Variants in SHISAL2A observed in about 807,000 individuals in gnomAD.
The protein encoded by SHISAL2A is protein shisa-like-2A.
In SHISAL2A, 18 loss-of-function variants were observed where a neutral mutation model predicts 11.5. That is an observed-to-expected ratio of 1.57 (90% confidence interval 1.08 to 2.33). SHISAL2A has a LOEUF of 2.33. Ranked by LOEUF, SHISAL2A falls within the 30% of genes most tolerant of loss-of-function variation. The pLI is 0.00. For synonymous variants in SHISAL2A, 94 were observed against 99.6 expected, an observed-to-expected ratio of 0.94 and a Z score of 0.34; for missense variants, 261 against 250.9, an observed-to-expected ratio of 1.04 and a Z score of -0.27.
In SHISAL2A at chr1:52,642,978, C is replaced by G. The variant is rs1691404529; in HGVS notation, c.298C>G (p.Leu100Val). 6.2e-7 allele frequency: 1 copy of G among 1,614,026 alleles called. No individual in the cohort carries two copies. The highest frequency in any genetic ancestry group is 1.3e-5 in the African/African-American group (1 of 74,904). The part of the protein sequence containing the change: ...ISSKPHTKLD[L>V]GLSLQTAGPE... ...CTCTAAGCCCCACACAAAGTTGGAC[C>G]TGGGCTTGAGCTTACAGACAGCAGG... Residue 100 changes from leucine (L) to valine (V), a missense_variant, in exon 2 of 3, where the codon CTG becomes GTG. Coordinates refer to ENST00000517870, the MANE Select transcript of SHISAL2A (RefSeq NM_001042693.3).
intron 4 of SHISAL2A, among the ~76,000 whole-genome samples, chr1:52,665,888 C>T (rs1044335935): frequency 6.6e-6 from 1 of 152,140 alleles, no homozygotes; most frequent in African/African-American, 2.4e-5. Flanking sequence ...CCATGTATTC[C>T]GATGGAGCTG....
chr1:52,649,362 G>A (rs1691574033), intron 2 of SHISAL2A, among the ~76,000 whole-genome samples: 1 of 152,204 alleles, frequency 6.6e-6, no homozygotes, highest in African/African-American at 2.4e-5. Flanking sequence ...ATGTGTCACT[G>A]CGATGTCAAC....
chr1:52,662,593 T>C (rs1691929156), intron 4 of SHISAL2A, among the ~76,000 whole-genome samples: 1 of 151,634 alleles, frequency 6.6e-6, no homozygotes, highest in Non-Finnish European at 1.5e-5. Context: ...TCAAGTGATC[T>C]GCCCACTTAG....
downstream of SHISAL2A, among the ~76,000 whole-genome samples, chr1:52,657,851 A>G (rs1047193268): frequency 2.6e-4 from 40 of 152,250 alleles, no homozygotes; most frequent in Middle Eastern, 3.4e-3. Flanking sequence ...CATCACAAAA[A>G]AAGAAGAAGA....
rs755482602 is a variant in SHISAL2A at position 52,643,878 on chromosome 1, A to AAGAGAG, written c.322+887_322+892dup. ...AAAGAAAGAAAGAAAGAAAGAGAGA[A>AAGAGAG]AGAGAGAGAGAGAGAGGGAGGGAGG... On this transcript the variant is annotated intron_variant, in intron 2 of 2. Transcript: ENST00000517870. Among the ~76,000 whole-genome samples the AAGAGAG allele has an allele frequency of 1.6e-3, 226 of 143,348 alleles. 1 individual carries two copies. The highest frequency in any genetic ancestry group is 5.4e-3 in the African/African-American group (215 of 39,734). The allele number at this position is 143,348 out of a possible 152,430, so 94.0% of individuals were successfully genotyped here. A position where few individuals can be genotyped will look rare whatever the true frequency, so the allele number is the denominator to read the frequency against.
chr1:52,668,255 C>G (rs189579744), intron 5 of SHISAL2A, among the ~76,000 whole-genome samples: 1 of 152,276 alleles, frequency 6.6e-6, no homozygotes, highest in East Asian at 1.9e-4. Flanking sequence ...CCTGGATAGA[C>G]CAAACATGTG....
intron 4 of SHISAL2A, among the ~76,000 whole-genome samples, chr1:52,667,106 G>T (rs768235998): frequency 9.2e-5 from 14 of 152,212 alleles, no homozygotes; most frequent in Non-Finnish European, 1.6e-4. Flanking sequence ...GTGTTTGGAT[G>T]CTGGGTGGCC....
At chr1:52,644,067 G>C (rs760011863) in intron 2 of SHISAL2A, among the ~76,000 whole-genome samples, 5 of 152,180 alleles carry the variant, frequency 3.3e-5, no homozygotes, top group Non-Finnish European at 7.3e-5. Context: ...GACTGAAAGA[G>C]TTTTGATGAC....
In SHISAL2A at chr1:52,642,927, T is replaced by C. The variant is rs1290798551; in HGVS notation, c.247T>C (p.Cys83Arg). The change falls in exon 2 of 3, where the codon TGT (cysteine) becomes CGT (arginine). Residue 83 changes from cysteine (C) to arginine (R), a missense_variant. Transcript: ENST00000517870. ...TCTTCTCGCCTTCATTGTTACCGCC[T>C]GTGTGCTCTGCTACCTGTTCATCAG... is the stretch of plus-strand genomic sequence containing the variant. ...VVLLAFIVTACVLCYLFISSK... is the reference protein window; with the variant it reads ...VVLLAFIVTARVLCYLFISSK... 3.1e-6 allele frequency: 5 copies of C among 1,614,110 alleles called. No homozygotes were observed. The highest frequency in any genetic ancestry group is 2.5e-6 in the Non-Finnish European group (3 of 1,180,000).
chr1:52,639,645 C>G (rs375611023), intron 1 of SHISAL2A, among the ~76,000 whole-genome samples: 2 of 151,850 alleles, frequency 1.3e-5, no homozygotes, highest in Non-Finnish European at 2.9e-5. Context: ...CCCAGCTACT[C>G]GGGAGGCTGA....
chr1:52,635,421 A>G (rs978652182), intron 1 of SHISAL2A, among the ~76,000 whole-genome samples: 2 of 147,020 alleles, frequency 1.4e-5, no homozygotes, highest in African/African-American at 4.9e-5. Context: ...AGATGGGGCT[A>G]GGGAATAGGG....
At chr1:52,640,785 T>A (rs1001494023) in intron 1 of SHISAL2A, among the ~76,000 whole-genome samples, 2 of 152,114 alleles carry the variant, frequency 1.3e-5, no homozygotes. Context: ...ATTTCCTGGG[T>A]GATAGGAGCA....
intron 2 of SHISAL2A, among the ~76,000 whole-genome samples, chr1:52,654,975 G>A (rs1691758481): frequency 6.6e-6 from 1 of 152,122 alleles, no homozygotes; most frequent in Non-Finnish European, 1.5e-5. Flanking sequence ...TTGAGGTCAG[G>A]AGTTCAAGAC....
intron 2 of SHISAL2A, among the ~76,000 whole-genome samples, chr1:52,651,522 C>A (rs1691647467): frequency 3.3e-5 from 5 of 152,080 alleles, no homozygotes; most frequent in South Asian, 4.1e-4. Context: ...CAGGTGTGAG[C>A]CACTGTGCCC....
chr1:52,635,656 G>A (rs1232978593), intron 1 of SHISAL2A, among the ~76,000 whole-genome samples: 1 of 151,660 alleles, frequency 6.6e-6, no homozygotes, highest in Non-Finnish European at 1.5e-5. Flanking sequence ...AGGAGTTGAG[G>A]AGATTACAAA....
intron 2 of SHISAL2A, among the ~76,000 whole-genome samples, chr1:52,647,710 T>G (rs911901547): frequency 3.3e-5 from 5 of 151,872 alleles, no homozygotes; most frequent in Non-Finnish European, 5.9e-5. Flanking sequence ...CCAGACATAG[T>G]GGCACATGCC....
chr1:52,644,552 C>T (rs1691450461), intron 2 of SHISAL2A, among the ~76,000 whole-genome samples: 1 of 151,658 alleles, frequency 6.6e-6, no homozygotes, highest in Non-Finnish European at 1.5e-5. Context: ...TGGCAAAACC[C>T]TGTCTCTACT....
intron 1 of SHISAL2A, among the ~76,000 whole-genome samples, chr1:52,641,911 TG>T (rs1455789015): frequency 6.6e-6 from 1 of 152,120 alleles, no homozygotes; most frequent in Non-Finnish European, 1.5e-5. Flanking sequence ...AAGACCAGCC[TG>T]GGCAACATGG....
intron 2 of SHISAL2A, among the ~76,000 whole-genome samples, chr1:52,645,543 G>C (rs1447050666): frequency 2.6e-5 from 4 of 151,880 alleles, no homozygotes; most frequent in Admixed American, 1.3e-4. Context: ...TGAATAGCAG[G>C]ACTACAGGTG....
Sources: gnomAD v4.1 joint callset for allele counts (sites outside exome capture counted in the v4.1 genomes callset) on GRCh38, gnomAD v4.1.1 for gene constraint, MANE v1.5 for transcripts, NCBI Gene and HGNC (gene_info 2026-07-23, HGNC 2026-07-21) for gene names.